GABRB2: variants seen among roughly 807,000 people sequenced by gnomAD.
The protein encoded by GABRB2 is gamma-aminobutyric acid receptor subunit beta-2.
Under a neutral mutation model 54.7 loss-of-function variants are expected in GABRB2, and 16 were observed. The ratio of observed to expected loss-of-function variants is 0.29; its 90% CI spans 0.20 to 0.44. The LOEUF is 0.44. Among genes scored for constraint, GABRB2 ranks in the 20% least tolerant of loss-of-function variants. GABRB2 has a pLI of 1.00. For synonymous variants in GABRB2, 244 were observed against 233.8 expected (o/e 1.04, Z -0.40); for missense variants, 355 against 644.0 (o/e 0.55, Z 4.86).
intron 3 of GABRB2, among the ~76,000 whole-genome samples, chr5:161,523,855 A>C (rs1561681708): frequency 6.6e-6 from 1 of 151,328 alleles, no homozygotes; most frequent in African/African-American, 2.4e-5. Flanking sequence ...CCAAAAATCA[A>C]AGGAAATATT....
chr5:161,424,928 A>C (rs967458593), intron 4 of GABRB2, among the ~76,000 whole-genome samples: 1 of 152,088 alleles, frequency 6.6e-6, no homozygotes, highest in East Asian at 1.9e-4. Flanking sequence ...AGTTGATTCT[A>C]CTCTCACTGA....
At chr5:161,386,782 C>T (rs191139506) in intron 5 of GABRB2, among the ~76,000 whole-genome samples, 1 of 149,402 alleles carries the variant, frequency 6.7e-6, no homozygotes, top group East Asian at 2.0e-4. Context: ...GCTCAAACCT[C>T]CCAAAGTGCT....
intron 5 of GABRB2, among the ~76,000 whole-genome samples, chr5:161,359,784 T>C (rs988637733): frequency 6.6e-6 from 1 of 152,152 alleles, no homozygotes; most frequent in Non-Finnish European, 1.5e-5. Context: ...TGTTATACTT[T>C]GTCTTTAAAA....
intron 3 of GABRB2, among the ~76,000 whole-genome samples, chr5:161,542,692 G>A (rs1255597929): frequency 2.0e-5 from 3 of 152,176 alleles, no homozygotes; most frequent in East Asian, 3.9e-4. Context: ...AGAAAGACAT[G>A]CTATATCATA....
At chr5:161,455,832 A>G (rs1374040835) in intron 4 of GABRB2, among the ~76,000 whole-genome samples, 2 of 152,090 alleles carry the variant, frequency 1.3e-5, no homozygotes, top group Non-Finnish European at 2.9e-5. Context: ...CCCAAATTTT[A>G]TTATGAAGAC....
chr5:161,371,045 C>T (rs1277621201), intron 5 of GABRB2, among the ~76,000 whole-genome samples: 2 of 152,166 alleles, frequency 1.3e-5, no homozygotes, highest in East Asian at 3.9e-4. Context: ...CTCACTTCTT[C>T]CTCCTCTTAG....
At chr5:161,463,548 TTTTTA>T (rs1371917117) in intron 3 of GABRB2, among the ~76,000 whole-genome samples, 1 of 33,066 alleles carries the variant, frequency 3.0e-5, no homozygotes, top group Non-Finnish European at 5.7e-5. Flanking sequence ...ATTCCAAATA[TTTTTA>T]TTTATATATA....
rs1757261647 is a variant in GABRB2, at chr5:161,292,333, A to G, written c.*1748T>C. On this transcript the variant is annotated 3_prime_UTR_variant, in exon 10 of 10. Transcript: ENST00000393959. ...AAGAAGAGCTTTCTTTGTTTTCAAA[A>G]TAGAAATAGCAAAGTCATCCTCCAA... 1 of 152,244 alleles carries G rather than the reference A, an allele frequency of 6.6e-6. No individual in the cohort carries two copies. The highest frequency in any genetic ancestry group is 1.5e-5 in the Non-Finnish European group (1 of 68,032). The allele number at this position is 152,244 out of a possible 1,614,324, so 9.4% of individuals were successfully genotyped here.
intron 5 of GABRB2, among the ~76,000 whole-genome samples, chr5:161,402,043 T>A (rs1387125963): frequency 6.6e-6 from 1 of 151,604 alleles, no homozygotes; most frequent in African/African-American, 2.4e-5. Context: ...ACATACCATA[T>A]AGAATAGCAT....
intron 3 of GABRB2, among the ~76,000 whole-genome samples, chr5:161,496,751 C>T (rs1759260814): frequency 6.6e-6 from 1 of 152,070 alleles, no homozygotes; most frequent in Non-Finnish European, 1.5e-5. Context: ...CAGTTTTAGA[C>T]ACCACCAATA....
At chr5:161,491,140 G>T (rs1040277320) in intron 3 of GABRB2, among the ~76,000 whole-genome samples, 5 of 151,676 alleles carry the variant, frequency 3.3e-5, no homozygotes, top group Non-Finnish European at 7.4e-5. Context: ...TGTGGGTCTT[G>T]TAATTCACAA....
intron 5 of GABRB2, among the ~76,000 whole-genome samples, chr5:161,371,877 A>G (rs1755142777): frequency 6.6e-6 from 1 of 151,786 alleles, no homozygotes; most frequent in Non-Finnish European, 1.5e-5. Flanking sequence ...GTGCACCACT[A>G]TGCGTGGCTA....
At chr5:161,483,513 C>G (rs951119602) in intron 3 of GABRB2, among the ~76,000 whole-genome samples, 3 of 152,002 alleles carry the variant, frequency 2.0e-5, no homozygotes, top group African/African-American at 7.2e-5. Flanking sequence ...CTGGCCTGAC[C>G]TCTTTATTGA....
At chr5:161,463,128 G>T (rs1758163129) in intron 3 of GABRB2, among the ~76,000 whole-genome samples, 1 of 151,870 alleles carries the variant, frequency 6.6e-6, no homozygotes, top group East Asian at 1.9e-4. Flanking sequence ...CCCATTGCAG[G>T]TTATTTCTTC....
intron 4 of GABRB2, among the ~76,000 whole-genome samples, chr5:161,422,428 C>A (rs933167801): frequency 1.1e-4 from 16 of 151,960 alleles, no homozygotes; most frequent in African/African-American, 3.9e-4. Context: ...ATAAAAAACA[C>A]TTTAAGAAGA....
intron 5 of GABRB2, among the ~76,000 whole-genome samples, chr5:161,375,315 A>G (rs1241014547): frequency 6.6e-6 from 1 of 152,204 alleles, no homozygotes; most frequent in Non-Finnish European, 1.5e-5. Flanking sequence ...ATATAATTTC[A>G]TATAAAAATT....
Position 161,330,716 on chromosome 5 carries a change from G to T in GABRB2, c.1077+167C>A, listed in dbSNP as rs1302975754. The stretch of plus-strand genomic sequence containing the variant: ...ATCCAAATCTTGTGTCATGAGTTTG[G>T]TCCCTAATTGTGCTTCCATCATTAA... On this transcript the variant is annotated intron_variant, in intron 8 of 9. Coordinates refer to ENST00000393959, the MANE Select transcript of GABRB2 (RefSeq NM_001371727.1). 4 of 915,110 alleles carry T rather than the reference G, an allele frequency of 4.4e-6. No homozygotes were observed. In the African/African-American group the frequency reaches 5.0e-5, roughly 11 times the overall value. 56.7% of individuals were successfully genotyped at this position (915,110 alleles called of 1,614,324 possible).
At chr5:161,506,185 T>C (rs1174526766) in intron 3 of GABRB2, among the ~76,000 whole-genome samples, 1 of 152,006 alleles carries the variant, frequency 6.6e-6, no homozygotes, top group African/African-American at 2.4e-5. Flanking sequence ...ACACTAAAAA[T>C]TCAACATACT....
At chr5:161,371,807 G>A (rs1030907096) in intron 5 of GABRB2, among the ~76,000 whole-genome samples, 2 of 151,636 alleles carry the variant, frequency 1.3e-5, no homozygotes, top group East Asian at 1.9e-4. Flanking sequence ...CTGCAGCCAC[G>A]ACCTCCCAAG....
Sources: allele counts gnomAD v4.1 joint callset (sites outside exome capture counted in the v4.1 genomes callset), GRCh38; gene constraint gnomAD v4.1.1; transcripts MANE v1.5; gene names NCBI Gene and HGNC (gene_info 2026-07-23, HGNC 2026-07-21).